Variants in GK observed in about 807,000 individuals in gnomAD.
The protein encoded by GK is ATP:glycerol 3-phosphotransferase.
Under a neutral mutation model 56.4 loss-of-function variants are expected in GK, and 9 were observed. The observed-to-expected ratio is 0.16, with a 90% CI of 0.10 to 0.28. GK has a LOEUF of 0.28. Among genes scored for constraint, GK ranks in the 10% least tolerant of loss-of-function variants. The pLI is 1.00. For missense variants in GK, 161 were observed against 431.4 expected (o/e 0.37, Z 5.55); for synonymous variants, 104 against 144.1 (o/e 0.72, Z 1.99).
chrX:30,721,458 ATTTTTT>A, intron 18 of GK: 1 of 98,400 alleles, frequency 1.0e-5, no homozygotes, highest in South Asian at 3.0e-4. Context: ...CGCCCGCCTA[ATTTTTT>A]TTTTTTTTTT....
intron 1 of GK, among the ~76,000 whole-genome samples, chrX:30,661,237 G>A (rs924351605): frequency 3.6e-5 from 4 of 111,490 alleles, no homozygotes; most frequent in South Asian, 7.4e-4. Context: ...TCTCCTATGC[G>A]TTCCTGTCCG....
At chrX:30,722,722 T>C (rs1936962753) in intron 18 of GK, among the ~76,000 whole-genome samples, 1 of 111,465 alleles carries the variant, frequency 9.0e-6, no homozygotes, top group Non-Finnish European at 1.9e-5. Context: ...TTAGAGTATA[T>C]TGGGAGCAGA....
chrX:30,721,788 C>T (rs1428378093), intron 18 of GK: 2 of 112,404 alleles, frequency 1.8e-5, no homozygotes, highest in African/African-American at 3.2e-5. Flanking sequence ...AGTAAGTGAA[C>T]ATTAGATATC....
At chrX:30,696,739 A>C (rs771096052) in intron 8 of GK, 56 bp downstream of exon 8, 43 of 894,698 alleles carry the variant, frequency 4.8e-5, no homozygotes, top group African/African-American at 3.5e-4. Flanking sequence ...AACAAACAAA[A>C]AAAAACCTAA....
chrX:30,726,985 T>C (rs1041299864), intron 19 of GK, among the ~76,000 whole-genome samples: 1 of 112,658 alleles, frequency 8.9e-6, no homozygotes, highest in African/African-American at 3.2e-5. Context: ...CACCAAATTC[T>C]ATTAAAAAAA....
intron 3 of GK, among the ~76,000 whole-genome samples, chrX:30,671,029 C>T (rs368749657): frequency 2.9e-4 from 31 of 108,294 alleles, no homozygotes; most frequent in Admixed American, 1.2e-3. Context: ...GTGGCTCACG[C>T]GTGTAATCCC....
chrX:30,720,535 T>G, intron 16 of GK, 86 bp from the exon 17 acceptor site: 3 of 859,375 alleles, frequency 3.5e-6, no homozygotes, highest in Non-Finnish European at 5.2e-6. Context: ...TGGAAGCTCT[T>G]GAGAGTTTCT....
intron 3 of GK, among the ~76,000 whole-genome samples, chrX:30,676,941 G>A (rs1428219018): frequency 9.0e-6 from 1 of 110,501 alleles, no homozygotes; most frequent in Non-Finnish European, 1.9e-5. Flanking sequence ...GCATGTACAT[G>A]TGCACACACA....
rs1174608219 is a variant in GK, at chrX:30,677,093, A to G, written c.260-282A>G. Among the ~76,000 whole-genome samples, 4 of 111,825 alleles carry G rather than the reference A, an allele frequency of 3.6e-5. No homozygotes were observed. The East Asian group carries it at 8.4e-4, about 23-fold the overall frequency. ...TGAAGTTATTGCATTCCTTAAAGCA[A>G]CCAGTGTGCCTTTTATTTGGGTATT... On this transcript the variant is annotated intron_variant, in intron 3 of 20. Transcript: ENST00000427190.
chrX:30,707,357 G>C (rs1334509675), intron 11 of GK, among the ~76,000 whole-genome samples, 199 bp from the exon 12 acceptor site: 5 of 108,985 alleles, frequency 4.6e-5, no homozygotes. Context: ...ATTGCACTAA[G>C]TACATTTTCT....
chrX:30,676,944 C>T (rs746998180), intron 3 of GK, among the ~76,000 whole-genome samples: 9 of 103,450 alleles, frequency 8.7e-5, no homozygotes, highest in African/African-American at 3.4e-4. Flanking sequence ...TGTACATGTG[C>T]ACACACACAC....
intron 1 of GK, among the ~76,000 whole-genome samples, chrX:30,662,767 T>TTCTCTC (rs367573891): frequency 2.7e-5 from 2 of 75,123 alleles, no homozygotes; most frequent in African/African-American, 5.5e-5. Context: ...CCTTCCTTCC[T>TTCTCTC]TCTCTCTCTC....
At chrX:30,665,429 A>G (rs1933007914) in intron 1 of GK, 82 bp from the exon 2 acceptor site, 2 of 603,385 alleles carry the variant, frequency 3.3e-6, no homozygotes, top group South Asian at 4.7e-5. Flanking sequence ...ACCAGTGAAC[A>G]AGAACTTCAG....
intron 13 of GK, among the ~76,000 whole-genome samples, chrX:30,709,548 T>C (rs779569615): frequency 9.9e-5 from 11 of 111,510 alleles, no homozygotes; most frequent in African/African-American, 2.9e-4. Context: ...TTTATAGTTC[T>C]GAGCTCCCTT....
intron 13 of GK, among the ~76,000 whole-genome samples, chrX:30,711,324 G>A (rs1384028022): frequency 9.0e-6 from 1 of 110,918 alleles, no homozygotes; most frequent in Non-Finnish European, 1.9e-5. Context: ...TCAATATGTG[G>A]TTCATTTGTA....
At chrX:30,702,515 T>C (rs1468850818) in intron 11 of GK, among the ~76,000 whole-genome samples, 2 of 112,603 alleles carry the variant, frequency 1.8e-5, no homozygotes, top group African/African-American at 6.4e-5. Flanking sequence ...TATCATTTAA[T>C]CCACATATAG....
At chrX:30,726,620 ACT>A (rs1349915152) in intron 19 of GK, among the ~76,000 whole-genome samples, 16 of 111,671 alleles carry the variant, frequency 1.4e-4, no homozygotes. Context: ...TATGAAAAAC[ACT>A]CTAATATTTA....
chrX:30,699,187 A>C (rs1935426538), intron 9 of GK, among the ~76,000 whole-genome samples: 1 of 101,175 alleles, frequency 9.9e-6, no homozygotes, highest in Admixed American at 1.1e-4. Context: ...ATATATATAT[A>C]TATGTTTTAT....
At chrX:30,669,222 C>T (rs1933299825) in intron 3 of GK, among the ~76,000 whole-genome samples, 1 of 103,423 alleles carries the variant, frequency 9.7e-6, no homozygotes, top group South Asian at 4.6e-4. Context: ...CGATCTTGTC[C>T]CCAAGGCTGG....
Sources: allele counts gnomAD v4.1 joint callset (sites outside exome capture counted in the v4.1 genomes callset), GRCh38; gene constraint gnomAD v4.1.1; transcripts MANE v1.5; gene names NCBI Gene and HGNC (gene_info 2026-07-23, HGNC 2026-07-21).